The following CPQ variants were observed in gnomAD, a reference collection of about 807,000 sequenced individuals.
CPQ encodes Ser-Met dipeptidase.
Under a neutral mutation model 45.7 loss-of-function variants are expected in CPQ, and 37 were observed. The ratio of observed to expected loss-of-function variants is 0.81; its 90% CI spans 0.62 to 1.07. The LOEUF (loss-of-function observed/expected upper bound fraction) is 1.07, where lower values mean the gene tolerates loss of function less well. CPQ is among the 50% of genes least tolerant of loss of function. The pLI is 0.00. For synonymous variants in CPQ, 186 were observed against 205.8 expected, an observed-to-expected ratio of 0.90 and a Z score of 0.82; for missense variants, 537 against 572.9, an observed-to-expected ratio of 0.94 and a Z score of 0.64.
At chr8:96,773,172 A>G (rs2130799690) in intron 1 of CPQ, among the ~76,000 whole-genome samples, 1 of 152,330 alleles carries the variant, frequency 6.6e-6, no homozygotes, top group Non-Finnish European at 1.5e-5. Flanking sequence ...GTATACTTCT[A>G]TTGTGAAATA....
chr8:96,745,844 AG>A (rs1194891239), intron 1 of CPQ, among the ~76,000 whole-genome samples: 1 of 152,234 alleles, frequency 6.6e-6, no homozygotes, highest in African/African-American at 2.4e-5. Context: ...TTCTAAACAG[AG>A]GTAATGTGGT....
intron 7 of CPQ, among the ~76,000 whole-genome samples, chr8:97,131,491 C>T (rs7822594): frequency 0.63 from 96,378 of 152,012 alleles, 31,292 homozygotes; most frequent in African/African-American, 0.77. Flanking sequence ...TTTTATATGT[C>T]TACCTATTAT....
intron 4 of CPQ, among the ~76,000 whole-genome samples, chr8:96,885,735 C>T (rs1812296567): frequency 1.3e-5 from 2 of 152,188 alleles, no homozygotes; most frequent in African/African-American, 2.4e-5. Flanking sequence ...GTGGCTCACG[C>T]CTGTAATCTC....
At chr8:96,827,675 A>G (rs1048846187) in intron 2 of CPQ, among the ~76,000 whole-genome samples, 1 of 152,160 alleles carries the variant, frequency 6.6e-6, no homozygotes, top group South Asian at 2.1e-4. Context: ...ATCTCATATG[A>G]TGGTCACAAG....
intron 1 of CPQ, among the ~76,000 whole-genome samples, chr8:96,694,978 C>CAT (rs1563471351): frequency 2.6e-5 from 4 of 152,168 alleles, no homozygotes; most frequent in South Asian, 2.1e-4. Flanking sequence ...GCCCGCATTG[C>CAT]CAAGTCAATC....
At chr8:96,656,343 G>A (rs1002874903) in intron 1 of CPQ, among the ~76,000 whole-genome samples, 7 of 152,104 alleles carry the variant, frequency 4.6e-5, no homozygotes, top group African/African-American at 7.2e-5. Context: ...CCCATGCTTC[G>A]GGGAGACCAC....
intron 4 of CPQ, among the ~76,000 whole-genome samples, chr8:96,950,306 G>A (rs1461616266): frequency 2.0e-5 from 3 of 152,048 alleles, no homozygotes; most frequent in Non-Finnish European, 4.4e-5. Flanking sequence ...ACATAATATT[G>A]TTTTCTTTAA....
chr8:97,034,461 C>T (rs1329205199), intron 6 of CPQ, among the ~76,000 whole-genome samples: 1 of 152,176 alleles, frequency 6.6e-6, no homozygotes, highest in Non-Finnish European at 1.5e-5. Flanking sequence ...GGTATTAGCA[C>T]ATAAGCTTGA....
intron 1 of CPQ, among the ~76,000 whole-genome samples, chr8:96,768,655 C>G (rs1302382528): frequency 1.3e-5 from 2 of 152,278 alleles, no homozygotes; most frequent in African/African-American, 4.8e-5. Flanking sequence ...AACTTAACAG[C>G]TGTTTAGTGA....
At chr8:96,829,755 G>A (rs1007954577) in intron 2 of CPQ, among the ~76,000 whole-genome samples, 1 of 151,986 alleles carries the variant, frequency 6.6e-6, no homozygotes, top group Non-Finnish European at 1.5e-5. Flanking sequence ...TCATGAAATT[G>A]TACTTTGTAC....
chr8:97,023,143 C>G (rs911862751), intron 5 of CPQ, among the ~76,000 whole-genome samples: 4 of 148,912 alleles, frequency 2.7e-5, no homozygotes, highest in African/African-American at 9.8e-5. Context: ...GTTACTCAAC[C>G]ATAAAAACGA....
intron 1 of CPQ, among the ~76,000 whole-genome samples, chr8:96,741,853 T>C (rs574670035): frequency 0.016 from 2,411 of 148,310 alleles, 23 homozygotes; most frequent in Middle Eastern, 0.034. Context: ...TTTGTTATAA[T>C]TTCTGTTCTT....
intron 7 of CPQ, among the ~76,000 whole-genome samples, chr8:97,123,844 C>T (rs113952955): frequency 6.6e-6 from 1 of 151,926 alleles, no homozygotes. Context: ...ATTCTGTATA[C>T]GTGAAGGCTG....
intron 5 of CPQ, among the ~76,000 whole-genome samples, chr8:97,005,802 G>C (rs73281718): frequency 0.015 from 2,291 of 152,242 alleles, 55 homozygotes; most frequent in African/African-American, 0.052. Flanking sequence ...ATGTGAGTGT[G>C]AGTATATACA....
intron 5 of CPQ, among the ~76,000 whole-genome samples, chr8:97,022,021 G>C (rs1047941538): frequency 2.5e-4 from 38 of 152,152 alleles, no homozygotes; most frequent in African/African-American, 8.9e-4. Flanking sequence ...GCATGGTACT[G>C]ACATGAAATT....
chr8:96,875,824 T>G (rs937837488), intron 3 of CPQ, among the ~76,000 whole-genome samples: 1 of 151,960 alleles, frequency 6.6e-6, no homozygotes, highest in African/African-American at 2.4e-5. Context: ...TGTCAATTTC[T>G]TTTTTTAAAA....
intron 1 of CPQ, among the ~76,000 whole-genome samples, chr8:96,760,594 C>A (rs938017632): frequency 9.2e-5 from 14 of 152,014 alleles, no homozygotes; most frequent in Non-Finnish European, 4.4e-5. Flanking sequence ...TGAATTTAGA[C>A]CCTGGTGGTT....
intron 7 of CPQ, among the ~76,000 whole-genome samples, chr8:97,115,824 C>A (rs1418318630): frequency 6.6e-6 from 1 of 152,158 alleles, no homozygotes; most frequent in Non-Finnish European, 1.5e-5. Flanking sequence ...GTGCTTCACA[C>A]ACTAAAGAAA....
chr8:96,877,345 A>G (rs916184310), intron 3 of CPQ, among the ~76,000 whole-genome samples: 1 of 152,160 alleles, frequency 6.6e-6, no homozygotes, highest in African/African-American at 2.4e-5. Context: ...TGCCCGGCTC[A>G]CTGTCCCCAC....
Sources: gnomAD v4.1 joint callset for allele counts (sites outside exome capture counted in the v4.1 genomes callset) on GRCh38, gnomAD v4.1.1 for gene constraint, MANE v1.5 for transcripts, NCBI Gene and HGNC (gene_info 2026-07-23, HGNC 2026-07-21) for gene names.